The following SLC20A1 variants were observed in gnomAD, a reference collection of about 807,000 sequenced individuals.
SLC20A1 encodes sodium-dependent phosphate transporter 1.
A neutral mutation model predicts 62.7 loss-of-function variants in SLC20A1; 28 were observed. That is an observed-to-expected ratio of 0.45 (90% CI 0.33 to 0.61). The LOEUF (loss-of-function observed/expected upper bound fraction) is 0.61. Ranked by LOEUF, SLC20A1 falls within the 20% of genes least tolerant of loss-of-function variation. The pLI is 0.02. For synonymous variants in SLC20A1, 305 were observed against 302.9 expected (o/e 1.01, Z -0.07); for missense variants, 673 against 838.6 (o/e 0.80, Z 2.44).
At chr2:112,662,196 C>T (rs2104652129) in intron 10 of SLC20A1, among the ~76,000 whole-genome samples, 1 of 152,280 alleles carries the variant, frequency 6.6e-6, no homozygotes, top group Admixed American at 6.5e-5. Flanking sequence ...TGTTTGCTAC[C>T]CGGATGTGTC....
intron 4 of SLC20A1, 170 bp from the exon 5 acceptor site, chr2:112,652,532 C>A (rs1479160307): frequency 6.7e-6 from 4 of 597,348 alleles, no homozygotes; most frequent in South Asian, 6.4e-5. Context: ...AATTAGCCTT[C>A]GTAGGAAGAA....
Position 112,646,773 on chromosome 2 carries a change from A to G in SLC20A1, c.-56A>G. 2 of 1,155,554 alleles carry G rather than the reference A, an allele frequency of 1.7e-6. No individual in the cohort carries two copies. Among genetic ancestry groups the G allele is most frequent in the African/African-American group, 1.5e-5 (1 of 64,776 alleles). 71.6% of individuals were successfully genotyped at this position (1,155,554 alleles called of 1,614,324 possible). On this transcript the variant is annotated 5_prime_UTR_variant, in exon 2 of 11. Coordinates refer to ENST00000272542, the MANE Select transcript of SLC20A1 (RefSeq NM_005415.5). ...ATTTTTGATACCTCATATTCTGTTT[A>G]CACATCTTGAAAGGCGCTCAGTAGT... is the stretch of plus-strand genomic sequence containing the variant.
chr2:112,661,191 A>G lies in SLC20A1; in HGVS notation c.1843A>G (p.Asn615Asp). 1 of 1,614,102 alleles carries G rather than the reference A, an allele frequency of 6.2e-7. No homozygotes were observed. Among genetic ancestry groups the G allele is most frequent in the Non-Finnish European group, 8.5e-7 (1 of 1,179,924 alleles). The change falls in exon 10 of 11, where the codon AAT (asparagine) becomes GAT (aspartate). Residue 615 changes from asparagine (N) to aspartate (D), a missense_variant. Coordinates refer to ENST00000272542, the MANE Select transcript of SLC20A1 (RefSeq NM_005415.5). The stretch of plus-strand genomic sequence containing the variant: ...TGCCCTCACTGTGGTGATTGCATCA[A>G]ATATTGGCCTTCCCATCAGTACAAC... ...ASALTVVIASNIGLPISTTHC... is the reference protein window; with the variant it reads ...ASALTVVIASDIGLPISTTHC...
At chr2:112,653,011 C>A in intron 5 of SLC20A1, 1 of 1,182,560 alleles carries the variant, frequency 8.5e-7, no homozygotes, top group Non-Finnish European at 1.2e-6. Flanking sequence ...TAAATCACTA[C>A]AGACCTTTCC....
intron 4 of SLC20A1, among the ~76,000 whole-genome samples, chr2:112,649,069 A>T (rs1686360245): frequency 6.6e-6 from 1 of 152,098 alleles, no homozygotes; most frequent in South Asian, 2.1e-4. Context: ...TTGTTTTTGG[A>T]GAGGGTTTGT....
intron 10 of SLC20A1, among the ~76,000 whole-genome samples, chr2:112,662,391 C>G (rs1005422428): frequency 2.0e-5 from 3 of 152,034 alleles, no homozygotes; most frequent in African/African-American, 7.2e-5. Context: ...ACCAGCCTGG[C>G]CAACATAGTG....
In SLC20A1 at chr2:112,646,688, G is replaced by A. The variant is rs979306569; in HGVS notation, c.-141G>A. ...GCGTATAGCAGTAACTCCCCAGCTCGGTTTCTGTGCCGTAGTTTACAGTAT... is the reference window on the plus strand; with the variant it reads ...GCGTATAGCAGTAACTCCCCAGCTCAGTTTCTGTGCCGTAGTTTACAGTAT... On this transcript the variant is annotated 5_prime_UTR_variant, in exon 2 of 11. Coordinates refer to ENST00000272542, the MANE Select transcript of SLC20A1 (RefSeq NM_005415.5). 6.0e-6 allele frequency: 2 copies of A among 331,284 alleles called. No individual in the cohort carries two copies. The allele number at this position is 331,284 out of a possible 1,614,324, so 20.5% of individuals were successfully genotyped here. A position where few individuals can be genotyped will look rare whatever the true frequency, so the allele number is the denominator to read the frequency against.
chr2:112,660,236 T>C, intron 8 of SLC20A1, 151 bp from the exon 9 acceptor site: 1 of 694,292 alleles, frequency 1.4e-6, no homozygotes, highest in African/African-American at 1.8e-5. Context: ...TATGTTGGGG[T>C]TCCATTTATG....
intron 1 of SLC20A1, 77 bp from the exon 2 acceptor site, chr2:112,646,486 G>A (rs1686280507): frequency 6.5e-6 from 1 of 152,734 alleles, no homozygotes; most frequent in Non-Finnish European, 1.5e-5. Flanking sequence ...CGGGACCCCG[G>A]GCGCGTGGGT....
intron 4 of SLC20A1, among the ~76,000 whole-genome samples, chr2:112,651,182 C>T (rs1198712626): frequency 2.0e-5 from 3 of 152,056 alleles, no homozygotes; most frequent in Admixed American, 2.0e-4. Context: ...GAAATGGTAC[C>T]TTTACTTTAC....
chr2:112,659,383 A>C lies in SLC20A1; in HGVS notation c.1228A>C (p.Lys410Gln). Residue 410 changes from lysine to glutamine, a missense_variant, in exon 8 of 11, where the codon AAA becomes CAA. By Grantham distance (53) the Lys-to-Gln change is moderately conservative. Coordinates refer to ENST00000272542, the MANE Select transcript of SLC20A1 (RefSeq NM_005415.5). ...AGATTGCATGGGAGACTCCGGTGAC[A>C]AACCCTTAAGGCGCAATAATAGCTA... ...VGDCMGDSGD[K>Q]PLRRNNSYTS... The C allele has an allele frequency of 6.2e-7, 1 of 1,614,224 alleles. No homozygotes were observed. The highest frequency in any genetic ancestry group is 8.5e-7 in the Non-Finnish European group (1 of 1,180,038).
chr2:112,655,093 C>T (rs906549919), intron 5 of SLC20A1, among the ~76,000 whole-genome samples: 4 of 150,916 alleles, frequency 2.7e-5, no homozygotes, highest in South Asian at 2.1e-4. Context: ...TTCAGCCTCC[C>T]GAGTAGCTGG....
At chr2:112,649,670 A>G (rs918285190) in intron 4 of SLC20A1, among the ~76,000 whole-genome samples, 8 of 152,146 alleles carry the variant, frequency 5.3e-5, no homozygotes. Flanking sequence ...GAGGTGAGGT[A>G]CTTCTATTTA....
chr2:112,648,817 G>A (rs1686352998), intron 4 of SLC20A1, among the ~76,000 whole-genome samples: 1 of 152,204 alleles, frequency 6.6e-6, no homozygotes, highest in Non-Finnish European at 1.5e-5. Flanking sequence ...CAGCAGACAG[G>A]TACGATAAGC....
At position 112,663,283 on chromosome 2, in the gene SLC20A1, A is replaced by G. The variant is rs781268542; in HGVS notation, c.*258A>G. On this transcript the variant is annotated 3_prime_UTR_variant, in exon 11 of 11. Coordinates refer to ENST00000272542, the MANE Select transcript of SLC20A1 (RefSeq NM_005415.5). ...CCTTCTGGGCTGTGAATTCCTGTAC[A>G]TATTTCTCTACTTTTTGTATCAGGC... The G allele has an allele frequency of 5.9e-6, 3 of 508,172 alleles. No individual in the cohort carries two copies. The highest frequency in any genetic ancestry group is 1.1e-5 in the Non-Finnish European group (3 of 263,582). 31.5% of individuals were successfully genotyped at this position (508,172 alleles called of 1,614,324 possible).
At position 112,647,097 on chromosome 2, in the gene SLC20A1, T is replaced by C; in HGVS notation, c.269T>C (p.Ile90Thr). 5 of 1,614,208 alleles carry C rather than the reference T, an allele frequency of 3.1e-6. No homozygotes were observed. Among genetic ancestry groups the C allele is most frequent in the Non-Finnish European group, 3.4e-6 (4 of 1,180,042 alleles). ...AGCGAAACCATCCGGAAGGGCTTGA[T>C]TGACGTGGAGATGTACAACTCGACT... Reference protein sequence around the residue: ...KVSETIRKGLIDVEMYNSTQG... With the variant: ...KVSETIRKGLTDVEMYNSTQG... The change falls in exon 2 of 11, where the codon ATT becomes ACT. Residue 90 changes from isoleucine to threonine, a missense_variant. Transcript: ENST00000272542.
At chr2:112,662,755 G>A (rs192139871) in intron 10 of SLC20A1, 109 bp from the exon 11 acceptor site, 105 of 1,097,356 alleles carry the variant, frequency 9.6e-5, no homozygotes, top group Admixed American at 7.9e-4. Flanking sequence ...CTTGGACTTT[G>A]TCTTGTCCAG....
intron 4 of SLC20A1, among the ~76,000 whole-genome samples, chr2:112,649,246 A>G (rs1272754308): frequency 6.6e-6 from 1 of 152,202 alleles, no homozygotes; most frequent in Non-Finnish European, 1.5e-5. Flanking sequence ...TTAATTGTAT[A>G]TTTCCTATAT....
At chr2:112,658,359 G>A (rs1244146749) in intron 6 of SLC20A1, 3 of 154,902 alleles carry the variant, frequency 1.9e-5, no homozygotes, top group Admixed American at 6.4e-5. Context: ...GCATTGAGCT[G>A]TGCCACTTTG....
Sources: gnomAD v4.1 joint callset for allele counts (sites outside exome capture counted in the v4.1 genomes callset) on GRCh38, gnomAD v4.1.1 for gene constraint, MANE v1.5 for transcripts, NCBI Gene and HGNC (gene_info 2026-07-23, HGNC 2026-07-21) for gene names.